PDGFRA: variants seen among roughly 807,000 people sequenced by gnomAD.
The protein encoded by PDGFRA is platelet derived growth factor receptor alpha.
In PDGFRA, 25 loss-of-function variants were observed where a neutral mutation model predicts 121.5. The ratio of observed to expected loss-of-function variants is 0.21; its 90% confidence interval spans 0.15 to 0.29. PDGFRA has a LOEUF of 0.29. Among genes scored for constraint, PDGFRA ranks in the 10% least tolerant of loss-of-function variants. PDGFRA has a pLI of 1.00. For synonymous variants in PDGFRA, 463 were observed against 494.8 expected (o/e 0.94, Z 0.85); for missense variants, 1,008 against 1,345.1 (o/e 0.75, Z 3.92).
chr4:54,234,153 C>G (rs947465704), intron 1 of PDGFRA, among the ~76,000 whole-genome samples: 60 of 152,260 alleles, frequency 3.9e-4, no homozygotes, highest in African/African-American at 1.4e-3. Context: ...TGCCCCGGCG[C>G]ACCAGCTCCC....
intron 1 of PDGFRA, among the ~76,000 whole-genome samples, chr4:54,233,549 G>A (rs1326374588): frequency 2.6e-5 from 4 of 152,242 alleles, no homozygotes; most frequent in South Asian, 2.1e-4. Flanking sequence ...GCGCAGCGCT[G>A]GAACCCCGGG....
chr4:54,277,612 A>G, intron 13 of PDGFRA, 120 bp downstream of exon 13: 2 of 753,748 alleles, frequency 2.7e-6, no homozygotes, highest in Admixed American at 4.0e-5. Context: ...GGTCCTGATT[A>G]TTTTGACTCC....
rs764472307 is a variant in PDGFRA at position 54,258,788 on chromosome 4, C to A, written c.20C>A (p.Ala7Glu). The A allele has an allele frequency of 3.1e-6, 5 of 1,613,358 alleles. No homozygotes were observed. In the South Asian group the frequency reaches 3.3e-5, roughly 11 times the overall value. The change falls in exon 2 of 23, where the codon GCG becomes GAG. Residue 7 changes from alanine to glutamate, a missense_variant. Transcript: ENST00000257290. MGTSHP[A>E]FLVLGCLLTG... Reference sequence around the variant, plus strand: ...AGAGCTATGGGGACTTCCCATCCGGCGTTCCTGGTCTTAGGCTGTCTTCTC... The same window carrying A: ...AGAGCTATGGGGACTTCCCATCCGGAGTTCCTGGTCTTAGGCTGTCTTCTC...
At chr4:54,252,151 G>C (rs1722085503) in intron 1 of PDGFRA, among the ~76,000 whole-genome samples, 2 of 152,148 alleles carry the variant, frequency 1.3e-5, no homozygotes, top group African/African-American at 4.8e-5. Flanking sequence ...GAAATAAGAG[G>C]GATGGCTAAC....
chr4:54,288,954 A>G (rs2110345504), intron 20 of PDGFRA, 55 bp from the exon 21 acceptor site: 10 of 1,491,848 alleles, frequency 6.7e-6, no homozygotes, highest in Non-Finnish European at 9.4e-6. Flanking sequence ...GTCTAGGGGG[A>G]GGGAGGGGCC....
chr4:54,265,371 C>A (rs1306520532), intron 5 of PDGFRA: 1 of 341,698 alleles, frequency 2.9e-6, no homozygotes, highest in Non-Finnish European at 5.7e-6. Context: ...AGCAAAAAAA[C>A]CACTGGATTT....
intron 5 of PDGFRA, among the ~76,000 whole-genome samples, chr4:54,266,517 G>A (rs974630444): frequency 1.3e-5 from 2 of 151,596 alleles, no homozygotes; most frequent in Non-Finnish European, 2.9e-5. Context: ...AAAGTGTTGG[G>A]ATTGATTACA....
intron 1 of PDGFRA, among the ~76,000 whole-genome samples, chr4:54,247,408 G>A (rs188344328): frequency 6.6e-5 from 10 of 152,156 alleles, no homozygotes; most frequent in Non-Finnish European, 7.3e-5. Flanking sequence ...TGCAAGGCTG[G>A]TTCAATATAC....
At chr4:54,234,747 A>G (rs749004486) in intron 1 of PDGFRA, among the ~76,000 whole-genome samples, 12 of 152,286 alleles carry the variant, frequency 7.9e-5, no homozygotes, top group East Asian at 3.9e-4. Flanking sequence ...GAGGAGACCT[A>G]TGTCGGGGCC....
intron 7 of PDGFRA, among the ~76,000 whole-genome samples, chr4:54,268,082 C>T (rs532884163): frequency 3.3e-5 from 5 of 152,176 alleles, no homozygotes; most frequent in African/African-American, 9.7e-5. Context: ...TCATCCATAT[C>T]GCAAGTAGAC....
At chr4:54,254,122 C>T (rs562575853) in intron 1 of PDGFRA, among the ~76,000 whole-genome samples, 35 of 152,192 alleles carry the variant, frequency 2.3e-4, no homozygotes, top group Non-Finnish European at 4.6e-4. Flanking sequence ...GAAAAAGTGA[C>T]AGGAACAGCA....
chr4:54,266,763 T>C (rs1723051090), intron 5 of PDGFRA, among the ~76,000 whole-genome samples: 1 of 152,172 alleles, frequency 6.6e-6, no homozygotes, highest in African/African-American at 2.4e-5. Context: ...GGAGAGTCAC[T>C]TGAGGCCAGG....
chr4:54,295,231 G>T lies in PDGFRA; in HGVS notation c.3229G>T (p.Gly1077Cys), dbSNP rs752633017. ...IEDIDMMDDI[G>C]IDSSDLVEDS... The stretch of plus-strand genomic sequence containing the variant: ...AGACATCGACATGATGGATGACATC[G>T]GCATAGACTCTTCAGACCTGGTGGA... The change falls in exon 23 of 23, where the codon GGC becomes TGC. Residue 1077 changes from glycine to cysteine, a missense_variant. By Grantham distance (159) the Gly-to-Cys change is radical (BLOSUM62 -3). Coordinates refer to ENST00000257290, the MANE Select transcript of PDGFRA (RefSeq NM_006206.6). The T allele has an allele frequency of 6.2e-7, 1 of 1,613,986 alleles. No homozygotes were observed. Among genetic ancestry groups the T allele is most frequent in the Admixed American group, 1.7e-5 (1 of 60,014 alleles).
At chr4:54,236,535 G>C (rs1190126928) in intron 1 of PDGFRA, among the ~76,000 whole-genome samples, 1 of 152,230 alleles carries the variant, frequency 6.6e-6, no homozygotes, top group East Asian at 1.9e-4. Context: ...TGAGCACAGT[G>C]GCTCACGCCT....
intron 1 of PDGFRA, among the ~76,000 whole-genome samples, chr4:54,246,222 A>C (rs1243009647): frequency 6.6e-6 from 1 of 152,206 alleles, no homozygotes; most frequent in African/African-American, 2.4e-5. Context: ...CGGACCTAAT[A>C]GACATCTACA....
At chr4:54,241,673 C>T (rs1721307860) in intron 1 of PDGFRA, among the ~76,000 whole-genome samples, 1 of 152,026 alleles carries the variant, frequency 6.6e-6, no homozygotes, top group South Asian at 2.1e-4. Flanking sequence ...TCTCAGCCTC[C>T]TGAGTAGCTA....
At chr4:54,272,263 CAA>C in intron 8 of PDGFRA, 129 bp from the exon 9 acceptor site, 1 of 885,702 alleles carries the variant, frequency 1.1e-6, no homozygotes, top group Non-Finnish European at 1.9e-6. Context: ...GTTACTTGTA[CAA>C]CTGGTTTCAG....
chr4:54,258,786 G>T lies in PDGFRA; in HGVS notation c.18G>T (p.Pro6=). MGTSH[P]AFLVLGCLLT... is the part of the protein sequence containing the mutation. Reference sequence around the variant, plus strand: ...CCAGAGCTATGGGGACTTCCCATCCGGCGTTCCTGGTCTTAGGCTGTCTTC... The same window carrying T: ...CCAGAGCTATGGGGACTTCCCATCCTGCGTTCCTGGTCTTAGGCTGTCTTC... Residue 6 remains proline, a synonymous_variant, in exon 2 of 23, where the codon CCG becomes CCT. Transcript: ENST00000257290. The T allele has an allele frequency of 6.2e-7, 1 of 1,613,574 alleles. No individual in the cohort carries two copies.
intron 4 of PDGFRA, chr4:54,264,247 C>T (rs186774058): frequency 4.2e-6 from 2 of 470,642 alleles, no homozygotes; most frequent in Admixed American, 3.8e-5. Context: ...CAAACATACA[C>T]CCAGGGGGTT....
Sources: gnomAD v4.1 joint callset for allele counts (sites outside exome capture counted in the v4.1 genomes callset) on GRCh38, gnomAD v4.1.1 for gene constraint, MANE v1.5 for transcripts, NCBI Gene and HGNC (gene_info 2026-07-23, HGNC 2026-07-21) for gene names.